Variants in TEF observed in about 807,000 individuals in gnomAD.
TEF encodes the protein thyrotroph embryonic factor.
Under a neutral mutation model 20.8 loss-of-function variants are expected in TEF, and 3 were observed. That is an observed-to-expected ratio of 0.14 (90% CI 0.07 to 0.37). TEF has a LOEUF of 0.37. Among genes scored for constraint, TEF ranks in the 10% least tolerant of loss-of-function variants. TEF has a pLI of 1.00. For synonymous variants in TEF, 180 were observed against 171.1 expected (o/e 1.05, Z -0.41); for missense variants, 296 against 397.9 (o/e 0.74, Z 2.18).
At chr22:41,374,335 G>A (rs2036915141) in intron 1 of TEF, among the ~76,000 whole-genome samples, 1 of 152,082 alleles carries the variant, frequency 6.6e-6, no homozygotes, top group Admixed American at 6.5e-5. Flanking sequence ...TGGATCACAA[G>A]GTCAGGAGAT....
At chr22:41,390,844 G>C (rs1407251590) in intron 2 of TEF, among the ~76,000 whole-genome samples, 1 of 152,104 alleles carries the variant, frequency 6.6e-6, no homozygotes, top group Non-Finnish European at 1.5e-5. Flanking sequence ...GGGGAAATGA[G>C]AATTCCTCAA....
At chr22:41,386,419 C>T (rs73176687) in intron 1 of TEF, among the ~76,000 whole-genome samples, 1 of 151,376 alleles carries the variant, frequency 6.6e-6, no homozygotes, top group Admixed American at 6.6e-5. Context: ...CCAGCCTGGG[C>T]AACAGAGCGA....
intron 1 of TEF, among the ~76,000 whole-genome samples, chr22:41,376,653 CTA>C (rs2036945743): frequency 6.6e-6 from 1 of 152,214 alleles, no homozygotes; most frequent in Non-Finnish European, 1.5e-5. Context: ...AGCTTAGACT[CTA>C]AACCCACCCT....
chr22:41,380,015 C>A (rs764742974), upstream of TEF, among the ~76,000 whole-genome samples: 18 of 152,104 alleles, frequency 1.2e-4, no homozygotes, highest in Non-Finnish European at 2.2e-4. Flanking sequence ...ATTACAGTGG[C>A]AGTGAGAGCT....
chr22:41,389,884 T>C (rs1003648349), intron 2 of TEF, among the ~76,000 whole-genome samples: 4 of 152,118 alleles, frequency 2.6e-5, no homozygotes, highest in African/African-American at 7.2e-5. Flanking sequence ...AATGCTGCCA[T>C]GAACATTCAT....
At chr22:41,382,949 C>T (rs2037053632) in intron 1 of TEF, 1 of 471,052 alleles carries the variant, frequency 2.1e-6, no homozygotes, top group Non-Finnish European at 4.4e-6. Context: ...CATCTTTTTG[C>T]CTAGGCCAGG....
In TEF at chr22:41,399,011, G is replaced by A. The variant is rs899058289; in HGVS notation, c.*3051G>A. 3 of 152,668 alleles carry A rather than the reference G, an allele frequency of 2.0e-5. No individual in the cohort carries two copies. The highest frequency in any genetic ancestry group is 4.4e-5 in the Non-Finnish European group (3 of 68,050). The allele number at this position is 152,668 out of a possible 1,614,324, so 9.5% of individuals were successfully genotyped here. ...TTCCAGGTGGATATTGCTCTCTTAC[G>A]GTGTTGGGGATGCCAGAACACCACT... On this transcript the variant is annotated 3_prime_UTR_variant, in exon 4 of 4. Coordinates refer to ENST00000266304, the MANE Select transcript of TEF (RefSeq NM_003216.4).
At chr22:41,384,115 A>C (rs906238377) in intron 1 of TEF, among the ~76,000 whole-genome samples, 1 of 152,182 alleles carries the variant, frequency 6.6e-6, no homozygotes, top group Non-Finnish European at 1.5e-5. Flanking sequence ...ACAAGCTGCT[A>C]TTTGGTCTGG....
upstream of TEF, among the ~76,000 whole-genome samples, chr22:41,379,893 CAAAAAAAAAAAA>C (rs1221059649): frequency 2.2e-5 from 1 of 45,096 alleles, no homozygotes; most frequent in Admixed American, 2.7e-4. Context: ...AACTCCGTCT[CAAAAAAAAAAAA>C]AAGAAAAAAA....
chr22:41,374,139 C>T (rs1306662100), intron 1 of TEF, among the ~76,000 whole-genome samples: 1 of 152,026 alleles, frequency 6.6e-6, no homozygotes, highest in Admixed American at 6.6e-5. Context: ...GGCGCAGTGG[C>T]TCACGTCTGT....
chr22:41,393,261 A>G (rs1306964978), intron 2 of TEF, among the ~76,000 whole-genome samples: 1 of 151,642 alleles, frequency 6.6e-6, no homozygotes, highest in Non-Finnish European at 1.5e-5. Context: ...GGATCACTCC[A>G]GCCCAGAAGG....
intron 1 of TEF, chr22:41,382,927 A>T (rs892557421): frequency 2.3e-5 from 11 of 470,964 alleles, no homozygotes; most frequent in Non-Finnish European, 4.0e-5. Context: ...CCACGGCGGC[A>T]GGACTGAGCT....
chr22:41,393,645 C>T (rs1245354927), intron 2 of TEF, among the ~76,000 whole-genome samples: 3 of 151,850 alleles, frequency 2.0e-5, no homozygotes, highest in South Asian at 2.1e-4. Context: ...CGGTGGCAGG[C>T]GCCTGTAGTC....
intron 1 of TEF, 58 bp downstream of exon 1, chr22:41,382,259 C>T: frequency 2.7e-6 from 3 of 1,124,132 alleles, no homozygotes; most frequent in Non-Finnish European, 2.2e-6. Flanking sequence ...AGGGGCGGGG[C>T]CTCGTGAGGG....
upstream of TEF, among the ~76,000 whole-genome samples, chr22:41,381,027 G>T (rs1277970544): frequency 6.6e-6 from 1 of 152,250 alleles, no homozygotes; most frequent in African/African-American, 2.4e-5. Flanking sequence ...GTAAGTGGGA[G>T]GGCGGAAACA....
At position 41,382,271 on chromosome 22, in the gene TEF, G is replaced by T. The variant is rs541735682; in HGVS notation, c.157+70G>T. The T allele has an allele frequency of 1.8e-5, 21 of 1,140,614 alleles. No individual in the cohort carries two copies. In the South Asian group the frequency reaches 7.8e-4, roughly 42 times the overall value. The allele number at this position is 1,140,614 out of a possible 1,614,324, so 70.7% of individuals were successfully genotyped here. A position where few individuals can be genotyped will look rare whatever the true frequency, so the allele number is the denominator to read the frequency against. ...TACAGGGGCGGGGCCTCGTGAGGGC[G>T]GGGCCGGGGAGGCAGTGGGTCAGGG... On this transcript the variant is annotated intron_variant, in intron 1 of 3. Transcript: ENST00000266304.
Position 41,396,471 on chromosome 22 carries a change from A to ATGATACG in TEF, c.*511_*512insTGATACG. The ATGATACG allele has an allele frequency of 1.8e-5, 3 of 165,126 alleles. No individual in the cohort carries two copies. Among genetic ancestry groups the ATGATACG allele is most frequent in the Admixed American group, 1.2e-4 (2 of 16,378 alleles). The allele number at this position is 165,126 out of a possible 1,614,324, so 10.2% of individuals were successfully genotyped here. A position where few individuals can be genotyped will look rare whatever the true frequency, so the allele number is the denominator to read the frequency against. On this transcript the variant is annotated 3_prime_UTR_variant, in exon 4 of 4. Coordinates refer to ENST00000266304, the MANE Select transcript of TEF (RefSeq NM_003216.4). The stretch of plus-strand genomic sequence containing the variant: ...AACATCTGTTCCCATCTTCCTTGGA[A>ATGATACG]GCAGGACACACCAGCTCCTCCGTCA...
intron 1 of TEF, among the ~76,000 whole-genome samples, chr22:41,374,408 C>T (rs1242668540): frequency 2.6e-5 from 4 of 151,904 alleles, no homozygotes; most frequent in African/African-American, 2.4e-5. Context: ...AAAAATTAGC[C>T]GGGCGTGGTG....
intron 2 of TEF, among the ~76,000 whole-genome samples, chr22:41,392,897 C>T (rs2037185019): frequency 6.6e-6 from 1 of 151,858 alleles, no homozygotes; most frequent in African/African-American, 2.4e-5. Context: ...ACTAGCCAGG[C>T]GTGGTGGCTT....
Sources: allele counts gnomAD v4.1 joint callset (sites outside exome capture counted in the v4.1 genomes callset), GRCh38; gene constraint gnomAD v4.1.1; transcripts MANE v1.5; gene names NCBI Gene and HGNC (gene_info 2026-07-23, HGNC 2026-07-21).